SLC6A4: variants seen among roughly 807,000 people sequenced by gnomAD.
SLC6A4 encodes the protein sodium-dependent serotonin transporter.
SLC6A4 carries 22 observed loss-of-function variants against 73.4 expected under a neutral mutation model. The observed-to-expected ratio is 0.30, with a 90% CI of 0.21 to 0.43. The LOEUF is 0.43. SLC6A4 is among the 20% of genes least tolerant of loss of function. SLC6A4 has a pLI of 1.00. For missense variants in SLC6A4, 593 were observed against 808.5 expected (o/e 0.73, Z 3.23); for synonymous variants, 270 against 315.5 (o/e 0.86, Z 1.53).
At chr17:30,231,888 C>G (rs112842812) in intron 1 of SLC6A4, among the ~76,000 whole-genome samples, 2 of 152,130 alleles carry the variant, frequency 1.3e-5, no homozygotes, top group African/African-American at 4.8e-5. Context: ...GAAGACATGC[C>G]CATCATTACG....
chr17:30,227,687 A>G (rs1906970737), intron 1 of SLC6A4, among the ~76,000 whole-genome samples: 1 of 152,044 alleles, frequency 6.6e-6, no homozygotes, highest in Non-Finnish European at 1.5e-5. Flanking sequence ...GGGTTTCACC[A>G]TGTTGCCCAG....
chr17:30,218,197 C>T lies in SLC6A4; in HGVS notation c.619G>A (p.Gly207Ser), dbSNP rs1325649419. 1.2e-6 allele frequency: 2 copies of T among 1,614,186 alleles called. No individual in the cohort carries two copies. Among genetic ancestry groups the T allele is most frequent in the Non-Finnish European group, 1.7e-6 (2 of 1,180,036 alleles). ...TCGGAGAAGTAATTGGTGCAGTTGC[C>T]AGTGTTCCAGGAGTTCTTGCAGCTG... ...WTSCKNSWNT[G>S]NCTNYFSEDN... Residue 207 changes from glycine to serine, a missense_variant, in exon 5 of 15, where the codon GGC becomes AGC. Transcript: ENST00000650711.
chr17:30,207,756 C>T lies in SLC6A4; in HGVS notation c.1626G>A (p.Val542=). The part of the protein sequence containing the change: ...SPGWFWRICW[V]AISPLFLLFI... ...CCAGGAGAAACAGAGGGCTGATGGCCACCCAGCAGATCCTCCAGAACCACC... is the reference window on the plus strand; with the variant it reads ...CCAGGAGAAACAGAGGGCTGATGGCTACCCAGCAGATCCTCCAGAACCACC... The change falls in exon 13 of 15, where the codon GTG becomes GTA. Residue 542 remains valine (V), a synonymous_variant. Transcript: ENST00000650711. The T allele has an allele frequency of 6.2e-7, 1 of 1,613,294 alleles. No homozygotes were observed. Among genetic ancestry groups the T allele is most frequent in the Non-Finnish European group, 8.5e-7 (1 of 1,179,290 alleles).
chr17:30,213,437 G>C (rs1302981973), intron 8 of SLC6A4, among the ~76,000 whole-genome samples: 1 of 151,658 alleles, frequency 6.6e-6, no homozygotes, highest in Non-Finnish European at 1.5e-5. Flanking sequence ...CAAGTAGCTG[G>C]GATTACAGGC....
chr17:30,232,831 G>A (rs904029269), intron 1 of SLC6A4, among the ~76,000 whole-genome samples: 2 of 152,218 alleles, frequency 1.3e-5, no homozygotes, highest in Non-Finnish European at 2.9e-5. Flanking sequence ...GAAGGGAGCA[G>A]CCCCTGCAGA....
rs552245789 is a variant in SLC6A4 at position 30,227,600 on chromosome 17, C to T, written c.-220-4685G>A. Among the ~76,000 whole-genome samples the T allele has an allele frequency of 2.6e-5, 4 of 152,276 alleles. No individual in the cohort carries two copies. In the East Asian group the frequency reaches 7.7e-4, roughly 29 times the overall value. ...TCCCGGGCTCAAGGAATCCTCCCACCTCAGGCTCCCGAGTAGCTGAGATTA... is the reference window on the plus strand; with the variant it reads ...TCCCGGGCTCAAGGAATCCTCCCACTTCAGGCTCCCGAGTAGCTGAGATTA... On this transcript the variant is annotated intron_variant, in intron 1 of 14. Coordinates refer to ENST00000650711, the MANE Select transcript of SLC6A4 (RefSeq NM_001045.6).
chr17:30,232,631 G>A (rs965042441), intron 1 of SLC6A4, among the ~76,000 whole-genome samples: 1 of 152,124 alleles, frequency 6.6e-6, no homozygotes, highest in African/African-American at 2.4e-5. Flanking sequence ...GTTCCAGAGG[G>A]GCCAAAGGAA....
At chr17:30,216,257 G>T (rs767970698) in intron 6 of SLC6A4, 41 bp from the exon 7 acceptor site, 1 of 885,362 alleles carries the variant, frequency 1.1e-6, no homozygotes. Context: ...TTCCAGGGAG[G>T]GGAGGGGAGG....
At chr17:30,201,801 T>G (rs1473893321) in intron 14 of SLC6A4, among the ~76,000 whole-genome samples, 1 of 152,168 alleles carries the variant, frequency 6.6e-6, no homozygotes, top group Non-Finnish European at 1.5e-5. Context: ...TGAACGCAGT[T>G]GTTCTCAGAA....
rs1906661893 is a variant in SLC6A4, at chr17:30,218,861, T to G, written c.414A>C (p.Ala138=). 1.9e-6 allele frequency: 3 copies of G among 1,613,968 alleles called. No individual in the cohort carries two copies. The change falls in exon 4 of 15, where the codon GCA becomes GCC. Residue 138 remains alanine (A), a synonymous_variant. Transcript: ENST00000650711. ...ATCCATTTCGGTGGTACTGTCCCAG[T>G]GCGAGCTCCATGTAAAAGAGCGGGA... The part of the protein sequence containing the change: ...GGIPLFYMEL[A]LGQYHRNGCI...
At chr17:30,206,712 C>CTTTTCTTTTTTTTTTTT (rs61636654) in intron 13 of SLC6A4, among the ~76,000 whole-genome samples, 16 of 80,296 alleles carry the variant, frequency 2.0e-4, no homozygotes, top group African/African-American at 5.8e-4. Flanking sequence ...CTTTTCTTTT[C>CTTTTCTTTTTTTTTTTT]TTTTTTTTTT....
rs1597641322 is a variant in SLC6A4, at chr17:30,218,695, A to G, written c.478+102T>C. ...TCAAGCAGTCTCCCAGGGATGCCTA[A>G]GGCCTGACTGATTCCAGAAGAAGGT... On this transcript the variant is annotated intron_variant, in intron 4 of 14. Coordinates refer to ENST00000650711, the MANE Select transcript of SLC6A4 (RefSeq NM_001045.6). 10 of 1,254,220 alleles carry G rather than the reference A, an allele frequency of 8.0e-6. No individual in the cohort carries two copies. The South Asian group carries it at 1.3e-4, about 17-fold the overall frequency. 77.7% of individuals were successfully genotyped at this position (1,254,220 alleles called of 1,614,324 possible).
intron 1 of SLC6A4, among the ~76,000 whole-genome samples, chr17:30,231,345 T>C (rs761363577): frequency 2.0e-5 from 3 of 150,926 alleles, no homozygotes; most frequent in Non-Finnish European, 4.4e-5. Flanking sequence ...TATATATCTG[T>C]AGGTATACAT....
intron 1 of SLC6A4, among the ~76,000 whole-genome samples, chr17:30,228,047 G>T (rs1436357966): frequency 2.6e-5 from 4 of 152,202 alleles, no homozygotes; most frequent in Non-Finnish European, 5.9e-5. Flanking sequence ...ATTTAGCATA[G>T]CAGATGTGAA....
chr17:30,226,559 G>A (rs908351063), intron 1 of SLC6A4, among the ~76,000 whole-genome samples: 6 of 152,218 alleles, frequency 3.9e-5, no homozygotes, highest in African/African-American at 1.4e-4. Context: ...AAGTAGCTGG[G>A]TGTGGTGGCG....
rs1453755229 is a variant in SLC6A4 at position 30,211,403 on chromosome 17, G to A, written c.1226C>T (p.Thr409Met). 2.5e-6 allele frequency: 4 copies of A among 1,612,176 alleles called. No homozygotes were observed. Among genetic ancestry groups the A allele is most frequent in the East Asian group, 2.2e-5 (1 of 44,890 alleles). The change falls in exon 10 of 15, where the codon ACG becomes ATG. Residue 409 changes from threonine (T) to methionine (M), a missense_variant. Thr to Met is a moderately conservative substitution (Grantham distance 81). Coordinates refer to ENST00000650711, the MANE Select transcript of SLC6A4 (RefSeq NM_001045.6). This position sits in a 1 kb window ranked among gnomAD's most constrained non-coding sequence, Gnocchi z 4.0. ...KDAGPSLLFI[T>M]YAEAIANMPA... Reference sequence around the variant, plus strand: ...CATGTTGGCTATCGCTTCTGCATACGTGATGAAGAGGAGGCTGGGACCTGA... The same window carrying A: ...CATGTTGGCTATCGCTTCTGCATACATGATGAAGAGGAGGCTGGGACCTGA...
In SLC6A4 at chr17:30,211,471, T is replaced by TA. The variant is rs775944587; in HGVS notation, c.1205-48dup. On this transcript the variant is annotated intron_variant, in intron 9 of 14. Transcript: ENST00000650711. The surrounding 1 kb of genome is among the most constrained non-coding windows in gnomAD (Gnocchi z 4.0). ...AGGAGGTGGTTGACAAGACCTGTCC[T>TA]ACAAAGATGTCACAGAGGAAAACTC... 2 of 1,159,682 alleles carry TA rather than the reference T, an allele frequency of 1.7e-6. No individual in the cohort carries two copies. The highest frequency in any genetic ancestry group is 2.6e-6 in the Non-Finnish European group (2 of 767,458). The allele number at this position is 1,159,682 out of a possible 1,614,324, so 71.8% of individuals were successfully genotyped here.
In SLC6A4 at chr17:30,209,313, G is replaced by A. The variant is rs933332373; in HGVS notation, c.1450-71C>T. On this transcript the variant is annotated intron_variant, in intron 11 of 14. Coordinates refer to ENST00000650711, the MANE Select transcript of SLC6A4 (RefSeq NM_001045.6). ...CCCCTCCCAACTACAGAGACCTGCA[G>A]GGGCTTCCTCACTTAGAATCATTCT... The A allele has an allele frequency of 3.2e-6, 3 of 927,696 alleles. No homozygotes were observed. In the African/African-American group the frequency reaches 4.9e-5, roughly 15 times the overall value. 57.5% of individuals were successfully genotyped at this position (927,696 alleles called of 1,614,324 possible).
chr17:30,233,358 G>A (rs1448800205), intron 1 of SLC6A4, among the ~76,000 whole-genome samples: 6 of 152,140 alleles, frequency 3.9e-5, no homozygotes, highest in African/African-American at 9.7e-5. Flanking sequence ...CTGGGGAGTC[G>A]GGTTATTGGG....
Sources: allele counts gnomAD v4.1 joint callset (sites outside exome capture counted in the v4.1 genomes callset), GRCh38; gene constraint gnomAD v4.1.1; non-coding constraint Gnocchi (gnomAD v3.1); transcripts MANE v1.5; gene names NCBI Gene and HGNC (gene_info 2026-07-23, HGNC 2026-07-21).